The following DHX35 variants were observed in gnomAD, a reference collection of about 807,000 sequenced individuals.
DHX35 encodes the protein probable ATP-dependent RNA helicase DHX35.
Under a neutral mutation model 99.6 loss-of-function variants are expected in DHX35, and 84 were observed. The ratio of observed to expected loss-of-function variants is 0.84; its 90% confidence interval spans 0.71 to 1.01. The LOEUF is 1.01. Among genes scored for constraint, DHX35 ranks in the 50% least tolerant of loss-of-function variants. The pLI, the probability that DHX35 is intolerant of heterozygous loss-of-function variation, is 0.00. For synonymous variants in DHX35, 331 were observed against 316.2 expected, an observed-to-expected ratio of 1.05 and a Z score of -0.50; for missense variants, 852 against 888.5, an observed-to-expected ratio of 0.96 and a Z score of 0.52.
At chr20:39,035,597 C>T (rs1164559222) in intron 21 of DHX35, among the ~76,000 whole-genome samples, 1 of 152,172 alleles carries the variant, frequency 6.6e-6, no homozygotes, top group Non-Finnish European at 1.5e-5. Context: ...TCTGGTTTCT[C>T]TTGAAAGACA....
rs999698540 is a variant in DHX35, at chr20:39,025,312, T to C, written c.1754T>C (p.Leu585Ser). The change falls in exon 18 of 22, where the codon TTG (leucine) becomes TCG (serine). Residue 585 changes from leucine to serine, a missense_variant. Coordinates refer to ENST00000252011, the MANE Select transcript of DHX35 (RefSeq NM_021931.4). ...LVRAATVREQLKKLLVKFQVP... is the reference protein window; with the variant it reads ...LVRAATVREQSKKLLVKFQVP... ...AGAGCTGCGACTGTAAGAGAACAAT[T>C]GAAAAAGCTTCTTGTCAAGTTTCAA... The C allele has an allele frequency of 3.7e-6, 6 of 1,613,688 alleles. No homozygotes were observed. Among genetic ancestry groups the C allele is most frequent in the Non-Finnish European group, 5.1e-6 (6 of 1,179,832 alleles).
At chr20:38,977,047 A>G (rs2086090557) in intron 3 of DHX35, among the ~76,000 whole-genome samples, 1 of 152,192 alleles carries the variant, frequency 6.6e-6, no homozygotes, top group South Asian at 2.1e-4. Context: ...GCTGTTGTGA[A>G]TAGTGATGGG....
chr20:39,002,777 T>A lies in DHX35; in HGVS notation c.761T>A (p.Val254Asp). ...CATCCCATTTGTCTTTTCAGTCCTG[T>A]TCCAGATTATATCAAATCAACTGTC... is the stretch of plus-strand genomic sequence containing the variant. ...PVDIFYLQSP[V>D]PDYIKSTVET... is the part of the protein sequence containing the mutation. Residue 254 changes from valine (V) to aspartate (D), a missense_variant, in exon 10 of 22, where the codon GTT becomes GAT. Physicochemically the swap from Val to Asp is radical, Grantham distance 152 (BLOSUM62 -3). Transcript: ENST00000252011. The A allele has an allele frequency of 6.2e-7, 1 of 1,614,020 alleles. No homozygotes were observed. The highest frequency in any genetic ancestry group is 8.5e-7 in the Non-Finnish European group (1 of 1,179,864).
intron 21 of DHX35, among the ~76,000 whole-genome samples, chr20:39,034,673 C>T (rs1021443727): frequency 4.6e-5 from 7 of 151,748 alleles, no homozygotes; most frequent in African/African-American, 1.7e-4. Flanking sequence ...CTGCAAGCTC[C>T]GTTTCCCGGA....
In DHX35 at chr20:39,038,560, C is replaced by CGT; in HGVS notation, c.*17_*18insGT. 6.2e-7 allele frequency: 1 copy of CGT among 1,610,142 alleles called. No individual in the cohort carries two copies. Among genetic ancestry groups the CGT allele is most frequent in the Admixed American group, 1.7e-5 (1 of 59,876 alleles). On this transcript the variant is annotated 3_prime_UTR_variant, in exon 22 of 22. Transcript: ENST00000252011. ...GACCCGTGAGAGGAGCCCACAGCTACAGCTGCAGGGACTGCTGGCGTCCTC... is the reference window on the plus strand; with the variant it reads ...GACCCGTGAGAGGAGCCCACAGCTACGTAGCTGCAGGGACTGCTGGCGTCCTC...
chr20:38,976,051 T>G (rs2086070566), intron 3 of DHX35, among the ~76,000 whole-genome samples: 1 of 152,102 alleles, frequency 6.6e-6, no homozygotes, highest in Admixed American at 6.5e-5. Flanking sequence ...TGTTACTAAG[T>G]CCAGGGAAAG....
chr20:38,992,502 G>A, intron 7 of DHX35, 77 bp downstream of exon 7: 1 of 1,374,124 alleles, frequency 7.3e-7, no homozygotes, highest in Non-Finnish European at 1.0e-6. Flanking sequence ...TAGCAACTTG[G>A]AAAGTACAAC....
rs979363170 is a variant in DHX35, at chr20:38,995,758, G to A, written c.642+878G>A. Among the ~76,000 whole-genome samples, 6 of 152,176 alleles carry A rather than the reference G, an allele frequency of 3.9e-5. No homozygotes were observed. In the South Asian group the frequency reaches 8.3e-4, roughly 21 times the overall value. ...GAGCCCTTAACTCCAGCCAGCTGGG[G>A]GGTGTCCAGAAACTTTCGCAGAGGT... On this transcript the variant is annotated intron_variant, in intron 8 of 21. Coordinates refer to ENST00000252011, the MANE Select transcript of DHX35 (RefSeq NM_021931.4).
At position 38,981,936 on chromosome 20, in the gene DHX35, T is replaced by G. The variant is rs565222447; in HGVS notation, c.268-1763T>G. 4.3e-4 allele frequency among the ~76,000 whole-genome samples: 57 copies of G among 131,744 alleles called. No individual in the cohort carries two copies. The East Asian group carries it at 0.011, about 26-fold the overall frequency. 86.4% of individuals were successfully genotyped at this position (131,744 alleles called of 152,430 possible). A position where few individuals can be genotyped will look rare whatever the true frequency, so the allele number is the denominator to read the frequency against. Reference sequence around the variant, plus strand: ...TCCAGCCTGGGCAACAGAGCGAGACTCTGTCTCAAAAAAAAAAAAAAAAAA... The same window carrying G: ...TCCAGCCTGGGCAACAGAGCGAGACGCTGTCTCAAAAAAAAAAAAAAAAAA... On this transcript the variant is annotated intron_variant, in intron 3 of 21. Coordinates refer to ENST00000252011, the MANE Select transcript of DHX35 (RefSeq NM_021931.4).
At chr20:38,983,610 T>A in intron 3 of DHX35, 89 bp from the exon 4 acceptor site, 2 of 1,042,098 alleles carry the variant, frequency 1.9e-6, no homozygotes, top group South Asian at 3.0e-5. Flanking sequence ...CCTTTCTTAG[T>A]GATTTTAACA....
chr20:39,034,076 T>C (rs1468600265), intron 20 of DHX35, 130 bp from the exon 21 acceptor site: 1 of 666,028 alleles, frequency 1.5e-6, no homozygotes, highest in Non-Finnish European at 2.7e-6. Flanking sequence ...CATAAATGCA[T>C]GTGTTTAGCA....
At chr20:39,032,223 G>A (rs1053470003) in intron 20 of DHX35, among the ~76,000 whole-genome samples, 9 of 152,184 alleles carry the variant, frequency 5.9e-5, no homozygotes, top group Non-Finnish European at 8.8e-5. Context: ...TCAATCTGTT[G>A]CCCAGTGGTG....
intron 3 of DHX35, among the ~76,000 whole-genome samples, chr20:38,973,955 T>C (rs1384001673): frequency 6.6e-6 from 1 of 152,280 alleles, no homozygotes. Context: ...CTGTTGTTAC[T>C]GACATTTGAG....
intron 3 of DHX35, among the ~76,000 whole-genome samples, chr20:38,975,011 A>C (rs1601368247): frequency 2.6e-5 from 4 of 152,308 alleles, no homozygotes; most frequent in Admixed American, 2.6e-4. Flanking sequence ...ATCCCTTTGC[A>C]TATTTGAATA....
chr20:38,979,505 A>C (rs1200180764), intron 3 of DHX35, among the ~76,000 whole-genome samples: 2 of 152,206 alleles, frequency 1.3e-5, no homozygotes, highest in Non-Finnish European at 2.9e-5. Flanking sequence ...TGCTGTTGAA[A>C]ATGACTAGAT....
intron 20 of DHX35, among the ~76,000 whole-genome samples, chr20:39,033,516 C>T (rs1381431909): frequency 1.3e-5 from 2 of 152,066 alleles, no homozygotes; most frequent in African/African-American, 4.8e-5. Flanking sequence ...CTGAGATTCA[C>T]TTACTGGTTT....
intron 18 of DHX35, 26 bp from the exon 19 acceptor site, chr20:39,028,392 C>T (rs774992465): frequency 9.3e-6 from 15 of 1,612,848 alleles, no homozygotes; most frequent in Middle Eastern, 3.4e-4. Flanking sequence ...GGGTTTCACC[C>T]GCCTCTCTGT....
chr20:39,029,600 G>A (rs1298652094), intron 19 of DHX35: 1 of 151,918 alleles, frequency 6.6e-6, no homozygotes, highest in Admixed American at 6.6e-5. Context: ...GAGGCAACTT[G>A]TCCATGTGGA....
chr20:39,025,877 G>A (rs901345725), intron 18 of DHX35, among the ~76,000 whole-genome samples: 2 of 152,224 alleles, frequency 1.3e-5, no homozygotes, highest in Admixed American at 1.3e-4. Flanking sequence ...AGTAGGTTAC[G>A]CTGTGGCAGG....
Sources: gnomAD v4.1 joint callset for allele counts (sites outside exome capture counted in the v4.1 genomes callset) on GRCh38, gnomAD v4.1.1 for gene constraint, MANE v1.5 for transcripts, NCBI Gene and HGNC (gene_info 2026-07-23, HGNC 2026-07-21) for gene names.